The following LRP1B variants were observed in gnomAD, a reference collection of about 807,000 sequenced individuals.
LRP1B encodes the protein LDL receptor related protein 1B.
Under a neutral mutation model 556.6 loss-of-function variants are expected in LRP1B, and 217 were observed. That is an observed-to-expected ratio of 0.39 (90% confidence interval 0.35 to 0.44). LRP1B has a LOEUF of 0.44. LRP1B is among the 20% of genes least tolerant of loss of function. LRP1B has a pLI of 1.00. For synonymous variants in LRP1B, 2,047 were observed against 1,865.8 expected (o/e 1.10, Z -2.50); for missense variants, 5,053 against 5,620.8 (o/e 0.90, Z 3.23).
chr2:141,245,948 A>G (rs1684051972), intron 5 of LRP1B, among the ~76,000 whole-genome samples: 2 of 152,012 alleles, frequency 1.3e-5, no homozygotes, highest in South Asian at 4.1e-4. Context: ...TTGAGAACCT[A>G]TATGTTCTAG....
intron 7 of LRP1B, among the ~76,000 whole-genome samples, chr2:141,163,113 C>T (rs991774685): frequency 6.6e-6 from 1 of 152,044 alleles, no homozygotes; most frequent in Non-Finnish European, 1.5e-5. Flanking sequence ...AGTAATACTA[C>T]TTTTCCTTCT....
intron 2 of LRP1B, among the ~76,000 whole-genome samples, chr2:141,643,094 A>G (rs1329840073): frequency 6.6e-6 from 1 of 152,216 alleles, no homozygotes; most frequent in Non-Finnish European, 1.5e-5. Flanking sequence ...ATTAAAAAGT[A>G]GACATCTGAG....
intron 1 of LRP1B, among the ~76,000 whole-genome samples, chr2:142,122,805 T>A (rs1707503785): frequency 6.6e-6 from 1 of 152,020 alleles, no homozygotes; most frequent in South Asian, 2.1e-4. Context: ...TAGAGTTGGA[T>A]AAAGTGGAAT....
chr2:140,966,735 G>C (rs1289099087), intron 18 of LRP1B, among the ~76,000 whole-genome samples: 1 of 152,104 alleles, frequency 6.6e-6, no homozygotes, highest in Non-Finnish European at 1.5e-5. Context: ...TGTAAGGAAG[G>C]GATCCCGTTT....
chr2:141,123,244 A>AG, intron 7 of LRP1B, among the ~76,000 whole-genome samples: 1 of 139,676 alleles, frequency 7.2e-6, no homozygotes, highest in South Asian at 2.3e-4. Flanking sequence ...AGTATAATAA[A>AG]AAAAAATAAA....
At chr2:141,104,842 C>T (rs926384893) in intron 7 of LRP1B, among the ~76,000 whole-genome samples, 1 of 151,952 alleles carries the variant, frequency 6.6e-6, no homozygotes, top group African/African-American at 2.4e-5. Flanking sequence ...ATTAAAAACA[C>T]CTGCCTGTCG....
chr2:141,369,980 T>C (rs1278111202), intron 3 of LRP1B, among the ~76,000 whole-genome samples: 1 of 152,226 alleles, frequency 6.6e-6, no homozygotes, highest in Non-Finnish European at 1.5e-5. Flanking sequence ...TTTCATTCTT[T>C]TTTTATGCCT....
intron 41 of LRP1B, among the ~76,000 whole-genome samples, chr2:140,633,245 CAA>C (rs1472456175): frequency 6.6e-6 from 1 of 151,532 alleles, no homozygotes; most frequent in Non-Finnish European, 1.5e-5. Flanking sequence ...GGAGAAGACT[CAA>C]GAGTAGCTCA....
chr2:140,519,409 T>C (rs1690060966), intron 49 of LRP1B, among the ~76,000 whole-genome samples: 1 of 152,308 alleles, frequency 6.6e-6, no homozygotes, highest in East Asian at 1.9e-4. Context: ...GCTAGCCATA[T>C]GTGGAAAGCT....
intron 21 of LRP1B, among the ~76,000 whole-genome samples, chr2:140,916,261 C>CA (rs1379909199): frequency 4.6e-5 from 7 of 152,024 alleles, no homozygotes; most frequent in Non-Finnish European, 1.0e-4. Context: ...ATAATTCTAA[C>CA]AAAATCACTG....
intron 2 of LRP1B, among the ~76,000 whole-genome samples, chr2:141,578,319 C>T (rs2105274978): frequency 6.6e-6 from 1 of 151,898 alleles, no homozygotes; most frequent in South Asian, 2.1e-4. Flanking sequence ...ATCACTTGAA[C>T]CCAGGAGGCA....
intron 41 of LRP1B, among the ~76,000 whole-genome samples, chr2:140,675,316 A>G (rs1158880782): frequency 6.6e-6 from 1 of 152,220 alleles, no homozygotes; most frequent in Admixed American, 6.5e-5. Flanking sequence ...ACACTTAGAC[A>G]GAGTTAACAG....
chr2:141,782,353 T>C (rs1695282023), intron 2 of LRP1B, among the ~76,000 whole-genome samples: 1 of 152,072 alleles, frequency 6.6e-6, no homozygotes, highest in Non-Finnish European at 1.5e-5. Context: ...TCCCAATTAA[T>C]AAAACTTTGC....
At position 140,536,681 on chromosome 2, in the gene LRP1B, C is replaced by A. The variant is rs16844179; in HGVS notation, c.7542G>T (p.Ser2514=). 20 of 1,602,744 alleles carry A rather than the reference C, an allele frequency of 1.2e-5. No individual in the cohort carries two copies. The South Asian group carries it at 1.9e-4, about 15-fold the overall frequency. Residue 2514 remains serine, a synonymous_variant, in exon 46 of 91, where the codon TCG becomes TCT. Transcript: ENST00000389484. ...VTKNSSCNAY[S]EFECGNGECI... ...ACTCACCATTTCCACATTCAAACTC[C>A]GAATAAGCGTTGCAGGAGGAATTTT...
chr2:140,520,475 G>T (rs887932590), intron 49 of LRP1B, among the ~76,000 whole-genome samples: 19 of 151,976 alleles, frequency 1.3e-4, no homozygotes, highest in African/African-American at 4.6e-4. Flanking sequence ...GGATGAGGGA[G>T]GAATAGCATT....
At chr2:142,050,287 A>G (rs941857434) in intron 1 of LRP1B, among the ~76,000 whole-genome samples, 1 of 152,010 alleles carries the variant, frequency 6.6e-6, no homozygotes, top group Non-Finnish European at 1.5e-5. Flanking sequence ...TTCAAGTAAC[A>G]AAATAAATCT....
chr2:141,745,315 C>T (rs1158786116), intron 2 of LRP1B, among the ~76,000 whole-genome samples: 3 of 152,134 alleles, frequency 2.0e-5, no homozygotes, highest in African/African-American at 7.2e-5. Context: ...TTCCAGGAGC[C>T]AGGGACTGAA....
At chr2:140,908,759 A>G (rs931648730) in intron 21 of LRP1B, among the ~76,000 whole-genome samples, 1 of 152,300 alleles carries the variant, frequency 6.6e-6, no homozygotes, top group East Asian at 1.9e-4. Flanking sequence ...ATTCAACAGT[A>G]ACAGTGAGAA....
intron 7 of LRP1B, among the ~76,000 whole-genome samples, chr2:141,092,110 C>G (rs564618585): frequency 6.6e-6 from 1 of 152,280 alleles, no homozygotes; most frequent in South Asian, 2.1e-4. Context: ...TTATATCAAT[C>G]AGCTTATGAC....
Sources: allele counts gnomAD v4.1 joint callset (sites outside exome capture counted in the v4.1 genomes callset), GRCh38; gene constraint gnomAD v4.1.1; transcripts MANE v1.5; gene names NCBI Gene and HGNC (gene_info 2026-07-23, HGNC 2026-07-21).